DEXI: variants seen among roughly 807,000 people sequenced by gnomAD.
DEXI encodes Dexi homolog.
Under a neutral mutation model 2.5 loss-of-function variants are expected in DEXI, and 2 were observed. The ratio of observed to expected loss-of-function variants is 0.81; its 90% confidence interval spans 0.33 to 2.55. The LOEUF is 2.55. Ranked by LOEUF, DEXI falls within the 30% of genes most tolerant of loss-of-function variation. DEXI has a pLI of 0.11. For synonymous variants in DEXI, 71 were observed against 68.7 expected (o/e 1.03, Z -0.17); for missense variants, 108 against 130.3 (o/e 0.83, Z 0.83).
chr16:10,934,337 A>G lies in DEXI; in HGVS notation c.*150-4778T>C, dbSNP rs2040932378. On this transcript the variant is annotated intron_variant, in intron 1 of 1. Transcript: ENST00000331808. This position sits in a 1 kb window ranked among gnomAD's most constrained non-coding sequence, Gnocchi z 4.2. ...CAAAGCAGTAGAATTTGTCATACAC[A>G]GAAGGCAATGCTAAAAATACAATGA... 1 of 152,292 alleles carries G rather than the reference A, an allele frequency of 6.6e-6. No individual in the cohort carries two copies. The highest frequency in any genetic ancestry group is 1.5e-5 in the Non-Finnish European group (1 of 68,064). The allele number at this position is 152,292 out of a possible 1,614,324, so 9.4% of individuals were successfully genotyped here.
rs1042513215 is a variant in DEXI at position 10,934,041 on chromosome 16, C to G, written c.*150-4482G>C. ...CAACGTCACAGAGAAATGATGACCACTTTCTCAAACCTGGCTTCGGATTTG... is the reference window on the plus strand; with the variant it reads ...CAACGTCACAGAGAAATGATGACCAGTTTCTCAAACCTGGCTTCGGATTTG... On this transcript the variant is annotated intron_variant, in intron 1 of 1. Transcript: ENST00000331808. This position sits in a 1 kb window ranked among gnomAD's most constrained non-coding sequence, Gnocchi z 4.2. 1.3e-5 allele frequency: 2 copies of G among 152,210 alleles called. No individual in the cohort carries two copies. Among genetic ancestry groups the G allele is most frequent in the African/African-American group, 4.8e-5 (2 of 41,454 alleles). The allele number at this position is 152,210 out of a possible 1,614,324, so 9.4% of individuals were successfully genotyped here.
rs887453048 is a variant in DEXI at position 10,937,387 on chromosome 16, A to G, written c.*149+4182T>C. On this transcript the variant is annotated intron_variant, in intron 1 of 1. Transcript: ENST00000331808. The surrounding 1 kb of genome is among the most constrained non-coding windows in gnomAD (Gnocchi z 4.2). Reference sequence around the variant, plus strand: ...TTGGGTTTCTGACCTGGGCAGCTCTATGTCCGGCACAGGGGTTCTGCTGAT... The same window carrying G: ...TTGGGTTTCTGACCTGGGCAGCTCTGTGTCCGGCACAGGGGTTCTGCTGAT... 6.6e-6 allele frequency: 1 copy of G among 152,322 alleles called. No homozygotes were observed. Among genetic ancestry groups the G allele is most frequent in the Non-Finnish European group, 1.5e-5 (1 of 68,180 alleles). 9.4% of individuals were successfully genotyped at this position (152,322 alleles called of 1,614,324 possible). A position where few individuals can be genotyped will look rare whatever the true frequency, so the allele number is the denominator to read the frequency against.
At position 10,941,831 on chromosome 16, in the gene DEXI, G is replaced by T; in HGVS notation, c.175C>A (p.Leu59Met). ...AGCGCCTGGTCCATGTCCTCGGGCAGGAAGACGAGGCCCACGTTGAGGACG... is the reference window on the plus strand; with the variant it reads ...AGCGCCTGGTCCATGTCCTCGGGCATGAAGACGAGGCCCACGTTGAGGACG... Reference protein sequence around the residue: ...YIVLNVGLVFLPEDMDQALVD... With the variant: ...YIVLNVGLVFMPEDMDQALVD... The change falls in exon 1 of 2, where the codon CTG (leucine) becomes ATG (methionine). Residue 59 changes from leucine to methionine, a missense_variant. By Grantham distance (15) the Leu-to-Met change is conservative. Transcript: ENST00000331808. The surrounding 1 kb of genome is among the most constrained non-coding windows in gnomAD (Gnocchi z 6.4). 2 of 1,613,412 alleles carry T rather than the reference G, an allele frequency of 1.2e-6. No individual in the cohort carries two copies. Among genetic ancestry groups the T allele is most frequent in the South Asian group, 2.2e-5 (2 of 91,050 alleles).
Position 10,929,163 on chromosome 16 carries a change from T to G in DEXI, c.*546A>C. On this transcript the variant is annotated 3_prime_UTR_variant, in exon 2 of 2. Transcript: ENST00000331808. This position sits in a 1 kb window ranked among gnomAD's most constrained non-coding sequence, Gnocchi z 4.3. The stretch of plus-strand genomic sequence containing the variant: ...TCTGAGTCACCCCTGAAACAGTCGC[T>G]GCATCTAAGACCAGCCTCGGGCTAA... The G allele has an allele frequency of 1.0e-6, 1 of 963,342 alleles. No homozygotes were observed. The allele number at this position is 963,342 out of a possible 1,614,324, so 59.7% of individuals were successfully genotyped here.
intron 1 of DEXI, chr16:10,933,507 G>A (rs1202561628): frequency 6.6e-6 from 1 of 152,296 alleles, no homozygotes; most frequent in African/African-American, 2.4e-5. Flanking sequence ...TGTGACCTCA[G>A]ACAAGTCACC....
chr16:10,929,420 C>G lies in DEXI; in HGVS notation c.*289G>C. 1.0e-6 allele frequency: 1 copy of G among 985,896 alleles called. No individual in the cohort carries two copies. The highest frequency in any genetic ancestry group is 1.2e-6 in the Non-Finnish European group (1 of 829,952). The allele number at this position is 985,896 out of a possible 1,614,324, so 61.1% of individuals were successfully genotyped here. A position where few individuals can be genotyped will look rare whatever the true frequency, so the allele number is the denominator to read the frequency against. ...ATTTGACACTGCAGGCAGATGAGGT[C>G]TTGGGATGCCTCTTGCGTTCCCCCT... On this transcript the variant is annotated 3_prime_UTR_variant, in exon 2 of 2. Coordinates refer to ENST00000331808, the MANE Select transcript of DEXI (RefSeq NM_014015.4). The surrounding 1 kb of genome is among the most constrained non-coding windows in gnomAD (Gnocchi z 4.3).
Position 10,942,439 on chromosome 16 carries a change from G to A in DEXI, c.-434C>T, listed in dbSNP as rs6498136. 0.52 allele frequency: 79,032 copies of A among 153,256 alleles called. 21,646 individuals are homozygous for A. Among genetic ancestry groups the A allele is most frequent in the East Asian group, 0.7 (3,573 of 5,120 alleles). The allele number at this position is 153,256 out of a possible 1,614,324, so 9.5% of individuals were successfully genotyped here. A position where few individuals can be genotyped will look rare whatever the true frequency, so the allele number is the denominator to read the frequency against. On this transcript the variant is annotated 5_prime_UTR_variant, in exon 1 of 2. Coordinates refer to ENST00000331808, the MANE Select transcript of DEXI (RefSeq NM_014015.4). The surrounding 1 kb of genome is among the most constrained non-coding windows in gnomAD (Gnocchi z 5.0). ...CCGCAGGCCCAGCACCCATGGCTGC[G>A]GCCGCCGCGTAGCCCTCCCGGTGGC...
Position 10,941,397 on chromosome 16 carries a change from G to T in DEXI, c.*149+172C>A. 4.4e-6 allele frequency: 2 copies of T among 457,866 alleles called. No homozygotes were observed. The highest frequency in any genetic ancestry group is 6.3e-6 in the Non-Finnish European group (2 of 318,886). The allele number at this position is 457,866 out of a possible 1,614,324, so 28.4% of individuals were successfully genotyped here. ...CCCCTTTGCTGGAGGAAGCTTTCCA[G>T]CCCAAACGAAGGGCTTAAGAGGAGT... On this transcript the variant is annotated intron_variant, in intron 1 of 1. Transcript: ENST00000331808. This position sits in a 1 kb window ranked among gnomAD's most constrained non-coding sequence, Gnocchi z 6.4.
At position 10,940,494 on chromosome 16, in the gene DEXI, A is replaced by T. The variant is rs1226766165; in HGVS notation, c.*149+1075T>A. The T allele has an allele frequency of 6.6e-6, 1 of 152,288 alleles. No individual in the cohort carries two copies. The highest frequency in any genetic ancestry group is 1.5e-5 in the Non-Finnish European group (1 of 68,102). 9.4% of individuals were successfully genotyped at this position (152,288 alleles called of 1,614,324 possible). ...TCCTAAAGGAGCCCTTGCCCACCATATCTCAGCATCCCCTCTTCATTGCCA... is the reference window on the plus strand; with the variant it reads ...TCCTAAAGGAGCCCTTGCCCACCATTTCTCAGCATCCCCTCTTCATTGCCA... On this transcript the variant is annotated intron_variant, in intron 1 of 1. Transcript: ENST00000331808. The surrounding 1 kb of genome is among the most constrained non-coding windows in gnomAD (Gnocchi z 4.2).
In DEXI at chr16:10,942,332, A is replaced by G; in HGVS notation, c.-327T>C. On this transcript the variant is annotated 5_prime_UTR_variant, in exon 1 of 2. Transcript: ENST00000331808. The surrounding 1 kb of genome is among the most constrained non-coding windows in gnomAD (Gnocchi z 5.0). ...GCCTCGCAGAGCCGGTGGGGATCCC[A>G]CCGCGGCTCAGTGTCTAGGGCCGGT... 1 of 250,594 alleles carries G rather than the reference A, an allele frequency of 4.0e-6. No individual in the cohort carries two copies. The highest frequency in any genetic ancestry group is 7.7e-6 in the Non-Finnish European group (1 of 129,162). 15.5% of individuals were successfully genotyped at this position (250,594 alleles called of 1,614,324 possible). A position where few individuals can be genotyped will look rare whatever the true frequency, so the allele number is the denominator to read the frequency against.
In DEXI at chr16:10,934,874, G is replaced by T. The variant is rs754177707; in HGVS notation, c.*150-5315C>A. On this transcript the variant is annotated intron_variant, in intron 1 of 1. Coordinates refer to ENST00000331808, the MANE Select transcript of DEXI (RefSeq NM_014015.4). The surrounding 1 kb of genome is among the most constrained non-coding windows in gnomAD (Gnocchi z 4.2). The stretch of plus-strand genomic sequence containing the variant: ...GACTCGCTGGGTACCAATTATCACC[G>T]CCCTTGGGCTACTTCAAAGGCTGCC... 1.3e-5 allele frequency: 2 copies of T among 152,158 alleles called. No homozygotes were observed. The highest frequency in any genetic ancestry group is 3.2e-3 in the Middle Eastern group (1 of 316). 9.4% of individuals were successfully genotyped at this position (152,158 alleles called of 1,614,324 possible).
Position 10,929,118 on chromosome 16 carries a change from C to T in DEXI, c.*591G>A, listed in dbSNP as rs1190318014. On this transcript the variant is annotated 3_prime_UTR_variant, in exon 2 of 2. Transcript: ENST00000331808. The surrounding 1 kb of genome is among the most constrained non-coding windows in gnomAD (Gnocchi z 4.3). ...AATCCCACCCTCAGCCCCCCAACAG[C>T]TTCCTCAGCTTCTTTTTCTTCTGAG... The T allele has an allele frequency of 1.3e-6, 1 of 763,118 alleles. No homozygotes were observed. Among genetic ancestry groups the T allele is most frequent in the Admixed American group, 6.3e-5 (1 of 16,000 alleles). The allele number at this position is 763,118 out of a possible 1,614,324, so 47.3% of individuals were successfully genotyped here.
Position 10,941,476 on chromosome 16 carries a change from C to A in DEXI, c.*149+93G>T. On this transcript the variant is annotated intron_variant, in intron 1 of 1. Coordinates refer to ENST00000331808, the MANE Select transcript of DEXI (RefSeq NM_014015.4). This position sits in a 1 kb window ranked among gnomAD's most constrained non-coding sequence, Gnocchi z 6.4. ...TGGAGGAGGTGAACGGAGGAGAAGC[C>A]TGAGGGAGGGGTGTGTATCCGGCCT... is the stretch of plus-strand genomic sequence containing the variant. 8.0e-7 allele frequency: 1 copy of A among 1,253,042 alleles called. No homozygotes were observed. The highest frequency in any genetic ancestry group is 1.0e-6 in the Non-Finnish European group (1 of 968,482). 77.6% of individuals were successfully genotyped at this position (1,253,042 alleles called of 1,614,324 possible).
chr16:10,942,287 G>A lies in DEXI; in HGVS notation c.-282C>T. ...CGCGGCTGCCCGGCTCCCTCGTGGC[G>A]CCTCCCTGGCGCTCGCAGGGCCTCG... is the stretch of plus-strand genomic sequence containing the variant. On this transcript the variant is annotated 5_prime_UTR_variant, in exon 1 of 2. Coordinates refer to ENST00000331808, the MANE Select transcript of DEXI (RefSeq NM_014015.4). This position sits in a 1 kb window ranked among gnomAD's most constrained non-coding sequence, Gnocchi z 5.0. The A allele has an allele frequency of 3.1e-6, 1 of 318,956 alleles. No homozygotes were observed. The allele number at this position is 318,956 out of a possible 1,614,324, so 19.8% of individuals were successfully genotyped here.
At position 10,933,064 on chromosome 16, in the gene DEXI, T is replaced by C. The variant is rs1183281293; in HGVS notation, c.*150-3505A>G. 2.6e-5 allele frequency: 4 copies of C among 152,202 alleles called. No individual in the cohort carries two copies. The East Asian group carries it at 7.7e-4, about 29-fold the overall frequency. The allele number at this position is 152,202 out of a possible 1,614,324, so 9.4% of individuals were successfully genotyped here. A position where few individuals can be genotyped will look rare whatever the true frequency, so the allele number is the denominator to read the frequency against. ...AAAAGCACCCCAGAGCTGGAGCTTATAGAACCCAGGGCAGCAGGTTCTCCA... is the reference window on the plus strand; with the variant it reads ...AAAAGCACCCCAGAGCTGGAGCTTACAGAACCCAGGGCAGCAGGTTCTCCA... On this transcript the variant is annotated intron_variant, in intron 1 of 1. Transcript: ENST00000331808.
chr16:10,941,687 T>G lies in DEXI; in HGVS notation c.*31A>C. ...GGTCCAGGGCATGGGTTGCGGATCG[T>G]GTAGGGAAGAGGGGAACAGCAGTCG... On this transcript the variant is annotated 3_prime_UTR_variant, in exon 1 of 2. Transcript: ENST00000331808. The surrounding 1 kb of genome is among the most constrained non-coding windows in gnomAD (Gnocchi z 6.4). The G allele has an allele frequency of 6.3e-7, 1 of 1,581,888 alleles. No homozygotes were observed.
At chr16:10,930,057 C>A in intron 1 of DEXI, 1 of 152,448 alleles carries the variant, frequency 6.6e-6, no homozygotes. Context: ...CTCTTTCTCC[C>A]AGGATGCAGC....
Position 10,940,635 on chromosome 16 carries a change from T to G in DEXI, c.*149+934A>C, listed in dbSNP as rs1412459955. On this transcript the variant is annotated intron_variant, in intron 1 of 1. Coordinates refer to ENST00000331808, the MANE Select transcript of DEXI (RefSeq NM_014015.4). This position sits in a 1 kb window ranked among gnomAD's most constrained non-coding sequence, Gnocchi z 4.2. ...CCTGGCAGCTGCCTGACAGCTTGTC[T>G]GGCTCACGTGTTCTCTCTAATTGAG... The G allele has an allele frequency of 6.6e-6, 1 of 152,472 alleles. No individual in the cohort carries two copies. The highest frequency in any genetic ancestry group is 2.4e-5 in the African/African-American group (1 of 41,470). 9.4% of individuals were successfully genotyped at this position (152,472 alleles called of 1,614,324 possible).
In DEXI at chr16:10,941,563, A is replaced by G; in HGVS notation, c.*149+6T>C. ...CGCCCTCATCCTGTTCAGAGAGGGC[A>G]CTTACAGGCCTCGGAGGCAGGGGAG... On this transcript the variant is annotated splice_donor_region_variant and intron_variant, in intron 1 of 1. Transcript: ENST00000331808. The surrounding 1 kb of genome is among the most constrained non-coding windows in gnomAD (Gnocchi z 6.4). The G allele has an allele frequency of 6.9e-7, 1 of 1,447,940 alleles. No individual in the cohort carries two copies. The highest frequency in any genetic ancestry group is 2.5e-5 in the East Asian group (1 of 39,906). 89.7% of individuals were successfully genotyped at this position (1,447,940 alleles called of 1,614,324 possible). A position where few individuals can be genotyped will look rare whatever the true frequency, so the allele number is the denominator to read the frequency against.
Sources: allele counts gnomAD v4.1 joint callset, GRCh38; gene constraint gnomAD v4.1.1; non-coding constraint Gnocchi (gnomAD v3.1); transcripts MANE v1.5; gene names NCBI Gene and HGNC (gene_info 2026-07-23, HGNC 2026-07-21).